RUNX1: variants seen among roughly 807,000 people sequenced by gnomAD.
The protein encoded by RUNX1 is RUNX family transcription factor 1.
A neutral mutation model predicts 42.8 loss-of-function variants in RUNX1; 19 were observed. That is an observed-to-expected ratio of 0.44 (90% confidence interval 0.31 to 0.65). The LOEUF (loss-of-function observed/expected upper bound fraction) is 0.65. Among genes scored for constraint, RUNX1 ranks in the 30% least tolerant of loss-of-function variants. The pLI is 0.07. For missense variants in RUNX1, 528 were observed against 672.0 expected, an observed-to-expected ratio of 0.79 and a Z score of 2.37; for synonymous variants, 271 against 289.4, an observed-to-expected ratio of 0.94 and a Z score of 0.64.
intron 2 of RUNX1, among the ~76,000 whole-genome samples, chr21:34,915,560 A>G (rs1259197753): frequency 6.6e-6 from 1 of 152,242 alleles, no homozygotes; most frequent in Non-Finnish European, 1.5e-5. Flanking sequence ...AAAGGGGAAA[A>G]GCATTTTAAA....
chr21:35,043,550 T>C (rs543071345), intron 2 of RUNX1, among the ~76,000 whole-genome samples: 1 of 152,354 alleles, frequency 6.6e-6, no homozygotes, highest in East Asian at 1.9e-4. Context: ...GGCTTTGTGT[T>C]ATTAAGCTAA....
intron 2 of RUNX1, among the ~76,000 whole-genome samples, chr21:35,029,655 C>T (rs550781984): frequency 6.6e-6 from 1 of 152,322 alleles, no homozygotes; most frequent in African/African-American, 2.4e-5. Context: ...TACTGCTCTT[C>T]CTGGTCCAGC....
intron 2 of RUNX1, among the ~76,000 whole-genome samples, chr21:34,999,600 G>A (rs1201240163): frequency 6.6e-6 from 1 of 152,190 alleles, no homozygotes; most frequent in East Asian, 1.9e-4. Flanking sequence ...CCCTGGAAGA[G>A]AGTATTGAAA....
chr21:34,869,938 T>G (rs898861190), intron 5 of RUNX1, among the ~76,000 whole-genome samples: 1 of 152,232 alleles, frequency 6.6e-6, no homozygotes, highest in African/African-American at 2.4e-5. Context: ...AATATTTGCA[T>G]GCCATTAATG....
intron 7 of RUNX1, among the ~76,000 whole-genome samples, chr21:34,814,434 G>C (rs2056798124): frequency 6.6e-6 from 1 of 152,190 alleles, no homozygotes; most frequent in African/African-American, 2.4e-5. Flanking sequence ...TGCAACTGCA[G>C]CGTGCTGATT....
chr21:34,813,143 G>A (rs553668167), intron 7 of RUNX1, among the ~76,000 whole-genome samples: 1 of 152,172 alleles, frequency 6.6e-6, no homozygotes, highest in South Asian at 2.1e-4. Flanking sequence ...GACATTTTTG[G>A]TTGCCACAAC....
At chr21:34,890,608 T>C (rs1331707972) in intron 3 of RUNX1, among the ~76,000 whole-genome samples, 3 of 152,192 alleles carry the variant, frequency 2.0e-5, no homozygotes, top group African/African-American at 7.2e-5. Context: ...CCGCTCCCCC[T>C]GGGCACTGCC....
chr21:34,880,120 G>A (rs938908628), intron 5 of RUNX1, among the ~76,000 whole-genome samples: 1 of 152,148 alleles, frequency 6.6e-6, no homozygotes, highest in East Asian at 1.9e-4. Flanking sequence ...AAAATTATTA[G>A]AAGTGGTCAT....
At chr21:35,028,738 G>A (rs941474495) in intron 2 of RUNX1, among the ~76,000 whole-genome samples, 4 of 152,330 alleles carry the variant, frequency 2.6e-5, no homozygotes, top group Admixed American at 6.5e-5. Flanking sequence ...CTAACGCAGT[G>A]TCATGTCCAC....
intron 5 of RUNX1, among the ~76,000 whole-genome samples, chr21:34,867,898 G>A (rs1244988710): frequency 6.6e-6 from 1 of 152,156 alleles, no homozygotes; most frequent in African/African-American, 2.4e-5. Context: ...TGTTTGGGCT[G>A]GGGTCACACA....
In RUNX1 at chr21:34,808,558, T is replaced by C. The variant is rs2056715164; in HGVS notation, c.806-9096A>G. Among the ~76,000 whole-genome samples, 6 of 152,168 alleles carry C rather than the reference T, an allele frequency of 3.9e-5. No homozygotes were observed. The South Asian group carries it at 1.0e-3, about 26-fold the overall frequency. Reference sequence around the variant, plus strand: ...TGGTTCACCCTGGAGTCCTTTTCTTTTCAAACCTCTGTTTCCTCACCTCTA... The same window carrying C: ...TGGTTCACCCTGGAGTCCTTTTCTTCTCAAACCTCTGTTTCCTCACCTCTA... On this transcript the variant is annotated intron_variant, in intron 7 of 8. Coordinates refer to ENST00000675419, the MANE Select transcript of RUNX1 (RefSeq NM_001754.5).
intron 7 of RUNX1, among the ~76,000 whole-genome samples, chr21:34,819,503 G>A (rs911339551): frequency 6.6e-6 from 1 of 152,196 alleles, no homozygotes; most frequent in Non-Finnish European, 1.5e-5. Context: ...CCGTCAATGC[G>A]GGAGCCCCCA....
chr21:34,888,060 G>A (rs1404574202), intron 3 of RUNX1: 1 of 1,066,294 alleles, frequency 9.4e-7, no homozygotes, highest in East Asian at 4.9e-5. Flanking sequence ...CTGGTTTGTT[G>A]GGAGTTGAGC....
At chr21:34,795,149 C>CCG (rs2056507519) in intron 8 of RUNX1, among the ~76,000 whole-genome samples, 1 of 152,218 alleles carries the variant, frequency 6.6e-6, no homozygotes, top group Non-Finnish European at 1.5e-5. Context: ...CTCTTAAGCT[C>CCG]AGATGGCATG....
chr21:34,817,323 G>T (rs1373931353), intron 7 of RUNX1, among the ~76,000 whole-genome samples: 1 of 152,204 alleles, frequency 6.6e-6, no homozygotes, highest in Non-Finnish European at 1.5e-5. Flanking sequence ...AGATACAAGG[G>T]TGGCTGAGCT....
intron 2 of RUNX1, among the ~76,000 whole-genome samples, chr21:34,909,487 C>T (rs1427334203): frequency 6.6e-6 from 1 of 150,684 alleles, no homozygotes; most frequent in Non-Finnish European, 1.5e-5. Context: ...GAAGGTGGTA[C>T]TCCTTCCTTC....
At chr21:35,038,637 G>T (rs1474240748) in intron 2 of RUNX1, 1 of 454,192 alleles carries the variant, frequency 2.2e-6, no homozygotes, top group East Asian at 7.0e-5. Flanking sequence ...GTGTGTGTGT[G>T]TGTGTGTGTG....
chr21:34,890,511 C>CG (rs2058068972), intron 3 of RUNX1, among the ~76,000 whole-genome samples: 1 of 152,106 alleles, frequency 6.6e-6, no homozygotes, highest in African/African-American at 2.4e-5. Flanking sequence ...GGGCTTGACT[C>CG]GGGCCGCTCT....
chr21:34,807,851 CAG>C (rs1008223623), intron 7 of RUNX1, among the ~76,000 whole-genome samples: 1 of 152,220 alleles, frequency 6.6e-6, no homozygotes, highest in Admixed American at 6.5e-5. Flanking sequence ...TCACATCTGT[CAG>C]AGGTGTGTGA....
Sources: allele counts gnomAD v4.1 joint callset (sites outside exome capture counted in the v4.1 genomes callset), GRCh38; gene constraint gnomAD v4.1.1; transcripts MANE v1.5; gene names NCBI Gene and HGNC (gene_info 2026-07-23, HGNC 2026-07-21).